The following MECOM variants were observed in gnomAD, a reference collection of about 807,000 sequenced individuals.
The protein encoded by MECOM is MDS1 and EVI1 complex locus, also known as histone-lysine N-methyltransferase MECOM.
In MECOM, 13 loss-of-function variants were observed where a neutral mutation model predicts 116.3. The ratio of observed to expected loss-of-function variants is 0.11; its 90% CI spans 0.07 to 0.18. The LOEUF is 0.18. Ranked by LOEUF, MECOM falls within the 10% of genes least tolerant of loss-of-function variation. MECOM has a pLI of 1.00. For synonymous variants in MECOM, 528 were observed against 535.2 expected, an observed-to-expected ratio of 0.99 and a Z score of 0.19; for missense variants, 1,299 against 1,509.0, an observed-to-expected ratio of 0.86 and a Z score of 2.31.
chr3:169,233,315 A>G (rs1256349116), intron 2 of MECOM, among the ~76,000 whole-genome samples: 2 of 152,114 alleles, frequency 1.3e-5, no homozygotes, highest in Admixed American at 1.3e-4. Context: ...AATCTGGGTC[A>G]TGCGGTATCA....
chr3:169,577,382 G>A (rs1764639693), intron 1 of MECOM, among the ~76,000 whole-genome samples: 1 of 151,944 alleles, frequency 6.6e-6, no homozygotes, highest in Non-Finnish European at 1.5e-5. Context: ...ATAAAAATGA[G>A]TTTACACTAG....
rs201751616 is a variant in MECOM, at chr3:169,378,515, AAAG to A, written c.375+2669_375+2671del. The stretch of plus-strand genomic sequence containing the variant: ...AAAGAAAGAAAGAAAGAAAGAAAGA[AAAG>A]AAAGAAAGAAAGAAAGAAAGAAAGA... On this transcript the variant is annotated intron_variant, in intron 2 of 16. Transcript: ENST00000651503. 2.6e-3 allele frequency among the ~76,000 whole-genome samples: 36 copies of A among 14,066 alleles called. 5 individuals are homozygous for A. Among genetic ancestry groups the A allele is most frequent in the East Asian group, 0.022 (10 of 458 alleles). 9.2% of individuals were successfully genotyped at this position (14,066 alleles called of 152,430 possible). A position where few individuals can be genotyped will look rare whatever the true frequency, so the allele number is the denominator to read the frequency against.
At chr3:169,646,326 A>AG (rs1302686715) in intron 1 of MECOM, among the ~76,000 whole-genome samples, 1 of 47,132 alleles carries the variant, frequency 2.1e-5, no homozygotes, top group Non-Finnish European at 4.0e-5. Flanking sequence ...GGGGAGGGGG[A>AG]GGGGGAGGGA....
chr3:169,273,655 G>A (rs1759225338), intron 2 of MECOM, among the ~76,000 whole-genome samples: 1 of 152,156 alleles, frequency 6.6e-6, no homozygotes, highest in South Asian at 2.1e-4. Flanking sequence ...GAAGACTAGG[G>A]TGTATGCAGC....
At chr3:169,399,582 A>G (rs942847780) in intron 1 of MECOM, among the ~76,000 whole-genome samples, 11 of 152,240 alleles carry the variant, frequency 7.2e-5, no homozygotes, top group African/African-American at 2.2e-4. Flanking sequence ...AGAATTTTGT[A>G]GTTGAAAAAG....
chr3:169,293,509 C>T (rs1715011261), intron 2 of MECOM, among the ~76,000 whole-genome samples: 1 of 152,174 alleles, frequency 6.6e-6, no homozygotes, highest in African/African-American at 2.4e-5. Context: ...AGCCCCATGG[C>T]TCACTGTTAT....
At chr3:169,532,662 G>A (rs968011254) in intron 1 of MECOM, among the ~76,000 whole-genome samples, 4 of 152,150 alleles carry the variant, frequency 2.6e-5, no homozygotes, top group Non-Finnish European at 4.4e-5. Flanking sequence ...GTGAAATCCA[G>A]CATGAATCTA....
chr3:169,346,786 TA>T (rs993517878), intron 2 of MECOM, among the ~76,000 whole-genome samples: 12 of 152,070 alleles, frequency 7.9e-5, no homozygotes, highest in African/African-American at 2.2e-4. Context: ...GGGACTTCTA[TA>T]TGCTGCTCTC....
Position 169,115,505 on chromosome 3 carries a change from A to G in MECOM, c.2367T>C (p.Thr789=). 1 of 1,614,106 alleles carries G rather than the reference A, an allele frequency of 6.2e-7. No homozygotes were observed. Among genetic ancestry groups the G allele is most frequent in the South Asian group, 1.1e-5 (1 of 91,068 alleles). Residue 789 remains threonine, a synonymous_variant, in exon 8 of 17, where the codon ACT becomes ACC. Transcript: ENST00000651503. Reference sequence around the variant, plus strand: ...CAAACACGTGGTTTTTTCGAGGCTCAGTCAGCTTTGTCCCACTGGCTCTAC... The same window carrying G: ...CAAACACGTGGTTTTTTCGAGGCTCGGTCAGCTTTGTCCCACTGGCTCTAC... ...SRSRASGTKL[T]EPRKNHVFGG...
At chr3:169,393,981 A>G (rs1023513527) in intron 1 of MECOM, among the ~76,000 whole-genome samples, 2 of 152,184 alleles carry the variant, frequency 1.3e-5, no homozygotes, top group Non-Finnish European at 2.9e-5. Flanking sequence ...AAAAAATTAT[A>G]ACTGTTATAA....
At chr3:169,470,303 C>T (rs1366877245) in intron 1 of MECOM, 1 of 152,208 alleles carries the variant, frequency 6.6e-6, no homozygotes, top group Non-Finnish European at 1.5e-5. Flanking sequence ...TATGAGACTA[C>T]ACTTAAACTC....
intron 1 of MECOM, among the ~76,000 whole-genome samples, chr3:169,416,680 T>C (rs955845595): frequency 3.3e-5 from 5 of 150,388 alleles, no homozygotes; most frequent in South Asian, 2.1e-4. Flanking sequence ...ATAGGCACAA[T>C]AAAAAAAGAT....
chr3:169,321,270 G>C (rs565615736), intron 2 of MECOM, among the ~76,000 whole-genome samples: 36 of 152,196 alleles, frequency 2.4e-4, no homozygotes, highest in Admixed American at 1.1e-3. Context: ...GGCCGGGTGA[G>C]GTGGCTCACT....
intron 1 of MECOM, among the ~76,000 whole-genome samples, chr3:169,641,778 G>A (rs905212533): frequency 2.0e-5 from 3 of 152,184 alleles, no homozygotes; most frequent in African/African-American, 4.8e-5. Flanking sequence ...AAAGCCAGTG[G>A]CAGAGATAGA....
chr3:169,461,085 A>G (rs1407503467), intron 1 of MECOM, among the ~76,000 whole-genome samples: 2 of 152,110 alleles, frequency 1.3e-5, no homozygotes, highest in Non-Finnish European at 2.9e-5. Flanking sequence ...AAAACAGACA[A>G]GCAGTTGTAT....
intron 2 of MECOM, among the ~76,000 whole-genome samples, chr3:169,304,371 T>C (rs1332246763): frequency 1.3e-5 from 2 of 152,212 alleles, no homozygotes; most frequent in Non-Finnish European, 2.9e-5. Context: ...AAAAGTTTTT[T>C]ATGTATCCTC....
intron 1 of MECOM, among the ~76,000 whole-genome samples, chr3:169,503,326 T>C (rs541186777): frequency 3.3e-5 from 5 of 152,280 alleles, no homozygotes; most frequent in Admixed American, 1.3e-4. Context: ...GGTGAAACCA[T>C]TGGACTCTAT....
intron 1 of MECOM, among the ~76,000 whole-genome samples, chr3:169,408,139 A>T (rs115670786): frequency 0.013 from 1,986 of 152,314 alleles, 19 homozygotes; most frequent in Middle Eastern, 0.041. Flanking sequence ...AAAATCCTTC[A>T]AGATCTTTGC....
At chr3:169,239,980 G>A (rs908283744) in intron 2 of MECOM, among the ~76,000 whole-genome samples, 7 of 152,116 alleles carry the variant, frequency 4.6e-5, no homozygotes, top group Admixed American at 1.3e-4. Context: ...AATTCTAAAC[G>A]AGCAATTTGC....
Sources: allele counts gnomAD v4.1 joint callset (sites outside exome capture counted in the v4.1 genomes callset), GRCh38; gene constraint gnomAD v4.1.1; transcripts MANE v1.5; gene names NCBI Gene and HGNC (gene_info 2026-07-23, HGNC 2026-07-21).